The following MAP2K5 variants were observed in gnomAD, a reference collection of about 807,000 sequenced individuals.
MAP2K5 encodes the protein mitogen-activated protein kinase kinase 5, also known as dual specificity mitogen-activated protein kinase kinase 5.
Under a neutral mutation model 83.1 loss-of-function variants are expected in MAP2K5, and 49 were observed. That is an observed-to-expected ratio of 0.59 (90% CI 0.47 to 0.75). The LOEUF is 0.75. Ranked by LOEUF, MAP2K5 falls within the 30% of genes least tolerant of loss-of-function variation. The probability of loss-of-function intolerance (pLI) is 0.00; values close to 1 mark genes in which losing one functional copy is unlikely to be tolerated. For synonymous variants in MAP2K5, 202 were observed against 191.8 expected, an observed-to-expected ratio of 1.05 and a Z score of -0.44; for missense variants, 457 against 557.5, an observed-to-expected ratio of 0.82 and a Z score of 1.82.
intron 21 of MAP2K5, among the ~76,000 whole-genome samples, chr15:67,776,817 G>A (rs572588323): frequency 4.4e-4 from 67 of 152,208 alleles, no homozygotes; most frequent in African/African-American, 1.6e-3. Context: ...TGACTTAGCC[G>A]GGAGAACCTC....
At chr15:67,711,604 A>T (rs1280861935) in intron 16 of MAP2K5, among the ~76,000 whole-genome samples, 1 of 152,246 alleles carries the variant, frequency 6.6e-6, no homozygotes, top group Non-Finnish European at 1.5e-5. Flanking sequence ...TTTAGCTTAC[A>T]GTTTCACCTC....
intron 4 of MAP2K5, among the ~76,000 whole-genome samples, chr15:67,581,707 C>T (rs11638507): frequency 0.3 from 45,065 of 152,056 alleles, 8,443 homozygotes; most frequent in Non-Finnish European, 0.43. Flanking sequence ...CTTTCATTAC[C>T]TGTAACTCTC....
intron 8 of MAP2K5, among the ~76,000 whole-genome samples, chr15:67,624,651 C>T (rs1042610746): frequency 7.5e-5 from 11 of 147,244 alleles, no homozygotes; most frequent in South Asian, 6.4e-4. Context: ...GTGTGTTTGA[C>T]GGAGTTTCGC....
chr15:67,571,375 A>C (rs896433100), intron 3 of MAP2K5, among the ~76,000 whole-genome samples: 2 of 152,182 alleles, frequency 1.3e-5, no homozygotes, highest in Non-Finnish European at 2.9e-5. Context: ...TGTTCCCCAC[A>C]ATACCTGTTT....
chr15:67,805,181 C>A (rs1227216627), intron 21 of MAP2K5, among the ~76,000 whole-genome samples: 2 of 152,252 alleles, frequency 1.3e-5, no homozygotes, highest in African/African-American at 4.8e-5. Context: ...CTCCTCCTCG[C>A]AGCTCTGACA....
chr15:67,579,016 AT>A (rs1276063126), intron 3 of MAP2K5, among the ~76,000 whole-genome samples: 1 of 152,226 alleles, frequency 6.6e-6, no homozygotes, highest in African/African-American at 2.4e-5. Flanking sequence ...CCTATTGTAC[AT>A]AGCAGTTAAT....
chr15:67,789,041 C>T (rs1321365396), intron 21 of MAP2K5, among the ~76,000 whole-genome samples: 1 of 151,962 alleles, frequency 6.6e-6, no homozygotes, highest in African/African-American at 2.4e-5. Context: ...TTCCAATCCT[C>T]CATATCTTCC....
chr15:67,790,204 G>C lies in MAP2K5; in HGVS notation c.1243-16442G>C, dbSNP rs1314716354. 2.0e-5 allele frequency among the ~76,000 whole-genome samples: 3 copies of C among 152,100 alleles called. No individual in the cohort carries two copies. Among genetic ancestry groups the C allele is most frequent in the African/African-American group, 7.2e-5 (3 of 41,418 alleles). ...TCAGGAATATTTATTTTTTCTATTT[G>C]TTTTAAGCCTGGGAAGACTGTGTGG... On this transcript the variant is annotated intron_variant, in intron 21 of 21. Transcript: ENST00000178640. This position sits in a 1 kb window ranked among gnomAD's most constrained non-coding sequence, Gnocchi z 4.6.
chr15:67,642,209 A>G (rs1169205206), intron 9 of MAP2K5, among the ~76,000 whole-genome samples: 1 of 152,224 alleles, frequency 6.6e-6, no homozygotes, highest in Non-Finnish European at 1.5e-5. Context: ...GTTTAAAATC[A>G]AGCAATCTAT....
Position 67,782,411 on chromosome 15 carries a change from G to A in MAP2K5, c.1242+9659G>A, listed in dbSNP as rs1328739892. On this transcript the variant is annotated intron_variant, in intron 21 of 21. Transcript: ENST00000178640. The surrounding 1 kb of genome is among the most constrained non-coding windows in gnomAD (Gnocchi z 4.9). ...TTTGGGGGATTGATTTGAGGGCACCGAGGAATCGATTTTTGTCTTGTTTAC... is the reference window on the plus strand; with the variant it reads ...TTTGGGGGATTGATTTGAGGGCACCAAGGAATCGATTTTTGTCTTGTTTAC... 6.6e-6 allele frequency among the ~76,000 whole-genome samples: 1 copy of A among 152,228 alleles called. No individual in the cohort carries two copies. Among genetic ancestry groups the A allele is most frequent in the Non-Finnish European group, 1.5e-5 (1 of 68,036 alleles).
rs72751428 is a variant in MAP2K5 at position 67,734,559 on chromosome 15, T to A, written c.1074+6614T>A. On this transcript the variant is annotated intron_variant, in intron 17 of 21. Transcript: ENST00000178640. ...GAGTTTTTACACTTAATTTTATTTG[T>A]GTTTTAAAAGCCTTTGACTAGTATA... 5.0e-3 allele frequency among the ~76,000 whole-genome samples: 767 copies of A among 152,310 alleles called. 3 individuals carry two copies. The highest frequency in any genetic ancestry group is 6.8e-3 in the Middle Eastern group (2 of 294).
intron 16 of MAP2K5, among the ~76,000 whole-genome samples, chr15:67,713,007 A>G (rs571116542): frequency 6.6e-6 from 1 of 152,348 alleles, no homozygotes; most frequent in South Asian, 2.1e-4. Context: ...AGTTCCAGGA[A>G]GAAAGAACAG....
intron 4 of MAP2K5, among the ~76,000 whole-genome samples, chr15:67,581,831 T>G (rs1324770949): frequency 6.6e-6 from 1 of 152,178 alleles, no homozygotes; most frequent in African/African-American, 2.4e-5. Context: ...ATAATACTGC[T>G]CTTCCAGCAT....
Position 67,571,268 on chromosome 15 carries a change from GC to G in MAP2K5, c.252+7921del, listed in dbSNP as rs1200890220. Among the ~76,000 whole-genome samples the G allele has an allele frequency of 2.0e-5, 3 of 152,130 alleles. No homozygotes were observed. The East Asian group carries it at 5.8e-4, about 29-fold the overall frequency. The stretch of plus-strand genomic sequence containing the variant: ...TCACCAGCTTCAAGGATCTCCTAAA[GC>G]CCATATAGATCCCAGGTTAATACCT... On this transcript the variant is annotated intron_variant, in intron 3 of 21. Coordinates refer to ENST00000178640, the MANE Select transcript of MAP2K5 (RefSeq NM_145160.3).
rs2087326060 is a variant in MAP2K5, at chr15:67,664,593, T to G, written c.799-4T>G. 3 of 1,536,994 alleles carry G rather than the reference T, an allele frequency of 2.0e-6. No individual in the cohort carries two copies. Among genetic ancestry groups the G allele is most frequent in the Non-Finnish European group, 2.7e-6 (3 of 1,110,864 alleles). Reference sequence around the variant, plus strand: ...TTGTACTGTTTTCTTTTTCCTAAATTTAGGTTGTTAAAGGCCTTACTTATT... The same window carrying G: ...TTGTACTGTTTTCTTTTTCCTAAATGTAGGTTGTTAAAGGCCTTACTTATT... On this transcript the variant is annotated splice_region_variant and splice_polypyrimidine_tract_variant and intron_variant, in intron 12 of 21. Coordinates refer to ENST00000178640, the MANE Select transcript of MAP2K5 (RefSeq NM_145160.3).
In MAP2K5 at chr15:67,806,736, C is replaced by T; in HGVS notation, c.1333C>T (p.Gln445Ter). The T allele has an allele frequency of 6.4e-7, 1 of 1,553,758 alleles. No homozygotes were observed. ...GGCGCTGGAGGAGAGGCGGAGCCAG[C>T]AGGGGCCCCCGTGAGGCTGCCGCAG... ...CRALEERRSQ[Q>*]GPP Residue 445 changes from glutamine to a stop codon, truncating the protein, a stop_gained, in exon 22 of 22, where the codon CAG (glutamine) becomes TAG (stop). Coordinates refer to ENST00000178640, the MANE Select transcript of MAP2K5 (RefSeq NM_145160.3). LOFTEE classifies it high-confidence loss of function.
At position 67,782,598 on chromosome 15, in the gene MAP2K5, GC is replaced by G. The variant is rs1484380971; in HGVS notation, c.1242+9851del. Among the ~76,000 whole-genome samples the G allele has an allele frequency of 6.6e-6, 1 of 152,130 alleles. No homozygotes were observed. Among genetic ancestry groups the G allele is most frequent in the Non-Finnish European group, 1.5e-5 (1 of 68,014 alleles). On this transcript the variant is annotated intron_variant, in intron 21 of 21. Coordinates refer to ENST00000178640, the MANE Select transcript of MAP2K5 (RefSeq NM_145160.3). This position sits in a 1 kb window ranked among gnomAD's most constrained non-coding sequence, Gnocchi z 4.9. ...GGGAGCAGCTAATTGTCTATGAAGGGCCCCCGTGTTTAAACGGGCTTGACAG... is the reference window on the plus strand; with the variant it reads ...GGGAGCAGCTAATTGTCTATGAAGGGCCCCGTGTTTAAACGGGCTTGACAG...
chr15:67,564,370 C>T (rs935109887), intron 3 of MAP2K5, among the ~76,000 whole-genome samples: 9 of 152,154 alleles, frequency 5.9e-5, no homozygotes, highest in Non-Finnish European at 8.8e-5. Context: ...ATGATGGAAT[C>T]AGGGCTCTTG....
At chr15:67,582,183 T>C (rs1460516458) in intron 4 of MAP2K5, among the ~76,000 whole-genome samples, 3 of 149,598 alleles carry the variant, frequency 2.0e-5, no homozygotes, top group African/African-American at 7.4e-5. Context: ...TGCCTCAGCC[T>C]CCTGAGTAGC....
Sources: gnomAD v4.1 joint callset for allele counts (sites outside exome capture counted in the v4.1 genomes callset) on GRCh38, gnomAD v4.1.1 for gene constraint, Gnocchi (gnomAD v3.1) non-coding constraint, MANE v1.5 for transcripts, NCBI Gene and HGNC (gene_info 2026-07-23, HGNC 2026-07-21) for gene names.